FTCDNL1: variants seen among roughly 807,000 people sequenced by gnomAD.
FTCDNL1 encodes formiminotransferase N-terminal subdomain-containing protein.
FTCDNL1 carries 11 observed loss-of-function variants against 5.9 expected under a neutral mutation model. The observed-to-expected ratio is 1.87, with a 90% confidence interval of 1.18 to 3.10. The LOEUF (loss-of-function observed/expected upper bound fraction) is 3.10, where lower values mean the gene tolerates loss of function less well. Ranked by LOEUF, FTCDNL1 falls within the 30% of genes most tolerant of loss-of-function variation. The pLI, the probability that FTCDNL1 is intolerant of heterozygous loss-of-function variation, is 0.00. For missense variants in FTCDNL1, 115 were observed against 65.5 expected, an observed-to-expected ratio of 1.76 and a Z score of -2.61; for synonymous variants, 58 against 24.8, an observed-to-expected ratio of 2.34 and a Z score of -3.99.
At chr2:199,829,721 C>T (rs1475249420) in intron 3 of FTCDNL1, among the ~76,000 whole-genome samples, 1 of 151,996 alleles carries the variant, frequency 6.6e-6, no homozygotes, top group African/African-American at 2.4e-5. Context: ...TTAGGACTAC[C>T]GATATAAATG....
At chr2:199,850,156 T>C (rs2076837248) in intron 1 of FTCDNL1, among the ~76,000 whole-genome samples, 1 of 152,216 alleles carries the variant, frequency 6.6e-6, no homozygotes. Context: ...GGTTTTCATA[T>C]CATGTCCATC....
chr2:199,664,739 G>A, the FTCDNL1 span, among the ~76,000 whole-genome samples: 1 of 152,302 alleles, frequency 6.6e-6, no homozygotes, highest in African/African-American at 2.4e-5. Context: ...CGGAGCCAAG[G>A]CATGTGTCTT....
the FTCDNL1 span, among the ~76,000 whole-genome samples, chr2:199,682,295 G>A: frequency 7.9e-5 from 12 of 152,202 alleles, no homozygotes; most frequent in Non-Finnish European, 1.2e-4. Context: ...GAACTGCAAT[G>A]TTGGCTCTTC....
chr2:199,666,835 C>G, the FTCDNL1 span, among the ~76,000 whole-genome samples: 1 of 151,722 alleles, frequency 6.6e-6, no homozygotes, highest in Non-Finnish European at 1.5e-5. Context: ...TTTCTTGACC[C>G]CAGGAGGCGA....
the FTCDNL1 span, among the ~76,000 whole-genome samples, chr2:199,742,268 T>TA: frequency 6.6e-6 from 1 of 152,070 alleles, no homozygotes; most frequent in Non-Finnish European, 1.5e-5. Flanking sequence ...CATGAAGACT[T>TA]ACACCCTGCT....
chr2:199,764,781 G>A (rs947798534), intron 3 of FTCDNL1, among the ~76,000 whole-genome samples: 1 of 152,174 alleles, frequency 6.6e-6, no homozygotes, highest in African/African-American at 2.4e-5. Flanking sequence ...GAATCCAGAT[G>A]AGCTTTCTGT....
chr2:199,822,994 G>A (rs1390020472), intron 3 of FTCDNL1, among the ~76,000 whole-genome samples: 1 of 152,120 alleles, frequency 6.6e-6, no homozygotes, highest in Non-Finnish European at 1.5e-5. Context: ...GGGATTACAG[G>A]TGTGTTCCAC....
chr2:199,797,442 A>G (rs1029741799), intron 3 of FTCDNL1, among the ~76,000 whole-genome samples: 6 of 152,218 alleles, frequency 3.9e-5, no homozygotes, highest in Admixed American at 3.9e-4. Flanking sequence ...TTTTAAAATC[A>G]AAGAAATCTG....
the FTCDNL1 span, among the ~76,000 whole-genome samples, chr2:199,753,659 A>C: frequency 6.6e-6 from 1 of 152,198 alleles, no homozygotes; most frequent in Non-Finnish European, 1.5e-5. Context: ...GAAAAGGGAC[A>C]CCTGCACTTA....
chr2:199,824,948 G>A (rs1320856331), intron 3 of FTCDNL1, among the ~76,000 whole-genome samples: 1 of 151,990 alleles, frequency 6.6e-6, no homozygotes, highest in Admixed American at 6.6e-5. Context: ...GACCAACCTG[G>A]GCATCATGGT....
the FTCDNL1 span, among the ~76,000 whole-genome samples, chr2:199,735,268 A>G: frequency 6.6e-6 from 1 of 152,120 alleles, no homozygotes; most frequent in Non-Finnish European, 1.5e-5. Flanking sequence ...CCTGACTTTG[A>G]CCATTCAATT....
the FTCDNL1 span, among the ~76,000 whole-genome samples, chr2:199,697,931 G>C: frequency 2.6e-5 from 4 of 152,140 alleles, no homozygotes; most frequent in African/African-American, 9.7e-5. Flanking sequence ...AAGAGATGAA[G>C]AAAAATCTAT....
chr2:199,805,937 A>G (rs1700704217), downstream of FTCDNL1, among the ~76,000 whole-genome samples: 1 of 151,874 alleles, frequency 6.6e-6, no homozygotes, highest in South Asian at 2.1e-4. Flanking sequence ...AAAAAAGTAT[A>G]TGGAAGGATG....
At chr2:199,831,664 G>A (rs797163) in intron 3 of FTCDNL1, among the ~76,000 whole-genome samples, 97,479 of 152,004 alleles carry the variant, frequency 0.64, 31,487 homozygotes, top group South Asian at 0.76. Flanking sequence ...TGGATTTGGG[G>A]CATGCTATAC....
chr2:199,813,331 T>A (rs1701146763), intron 4 of FTCDNL1, among the ~76,000 whole-genome samples: 1 of 152,160 alleles, frequency 6.6e-6, no homozygotes, highest in African/African-American at 2.4e-5. Flanking sequence ...CCAGGCACCA[T>A]CATTTTCAAT....
intron 2 of FTCDNL1, among the ~76,000 whole-genome samples, chr2:199,846,469 C>A (rs1409152719): frequency 2.0e-5 from 3 of 152,188 alleles, no homozygotes; most frequent in Non-Finnish European, 4.4e-5. Context: ...AAGATGGTAG[C>A]TCCTTTCTTC....
chr2:199,812,337 C>T lies in FTCDNL1; in HGVS notation c.*368G>A, dbSNP rs1701083428. 1.3e-5 allele frequency among the ~76,000 whole-genome samples: 2 copies of T among 152,048 alleles called. No homozygotes were observed. The highest frequency in any genetic ancestry group is 4.2e-4 in the South Asian group (2 of 4,818). On this transcript the variant is annotated 3_prime_UTR_variant, in exon 5 of 5. Coordinates refer to ENST00000420128, the MANE Select transcript of FTCDNL1 (RefSeq NM_001363886.2). ...GCTTTTCCAATTTCCTCCATTTAAT[C>T]CTTCCAAGTCAAAACCAATACGGTG...
chr2:199,763,868 G>A (rs1698384337), intron 3 of FTCDNL1, among the ~76,000 whole-genome samples: 1 of 152,114 alleles, frequency 6.6e-6, no homozygotes, highest in South Asian at 2.1e-4. Flanking sequence ...TTGAGATGGA[G>A]TCTTGCTCCG....
chr2:199,832,128 TC>T (rs1450330209), intron 3 of FTCDNL1, among the ~76,000 whole-genome samples: 10 of 152,340 alleles, frequency 6.6e-5, no homozygotes, highest in African/African-American at 2.4e-4. Flanking sequence ...ACATATAGTT[TC>T]ATAGAGATAT....
Sources: gnomAD v4.1 joint callset for allele counts (sites outside exome capture counted in the v4.1 genomes callset) on GRCh38, gnomAD v4.1.1 for gene constraint, MANE v1.5 for transcripts, NCBI Gene and HGNC (gene_info 2026-07-23, HGNC 2026-07-21) for gene names.